The following FSTL5 variants were observed in gnomAD, a reference collection of about 807,000 sequenced individuals.
FSTL5 encodes the protein follistatin-related protein 5.
A neutral mutation model predicts 89.1 loss-of-function variants in FSTL5; 62 were observed. The observed-to-expected ratio is 0.70, with a 90% CI of 0.57 to 0.86. The LOEUF (loss-of-function observed/expected upper bound fraction) is 0.86, where lower values mean the gene tolerates loss of function less well. Among genes scored for constraint, FSTL5 ranks in the 40% least tolerant of loss-of-function variants. The pLI is 0.00. For missense variants in FSTL5, 1,057 were observed against 1,001.6 expected, an observed-to-expected ratio of 1.06 and a Z score of -0.75; for synonymous variants, 383 against 346.2, an observed-to-expected ratio of 1.11 and a Z score of -1.18.
intron 3 of FSTL5, among the ~76,000 whole-genome samples, chr4:161,977,639 A>AAAAATAAT (rs1553988132): frequency 7.9e-5 from 8 of 101,216 alleles, no homozygotes; most frequent in African/African-American, 1.2e-4. Context: ...AAAAAAAAAA[A>AAAAATAAT]AATAATAATA....
At chr4:162,014,309 T>C (rs545449007) in intron 3 of FSTL5, among the ~76,000 whole-genome samples, 1 of 152,232 alleles carries the variant, frequency 6.6e-6, no homozygotes, top group African/African-American at 2.4e-5. Flanking sequence ...ATGACTTTTA[T>C]ACTGCAAGGC....
At chr4:162,055,522 GGAT>G (rs922647003) in intron 2 of FSTL5, among the ~76,000 whole-genome samples, 13 of 111,284 alleles carry the variant, frequency 1.2e-4, no homozygotes, top group African/African-American at 4.4e-4. Context: ...GATAGATAGA[GGAT>G]GATAGATAGA....
intron 15 of FSTL5, among the ~76,000 whole-genome samples, chr4:161,426,974 C>T (rs993917480): frequency 6.6e-6 from 1 of 151,494 alleles, no homozygotes; most frequent in Non-Finnish European, 1.5e-5. Context: ...AATTGTTGAG[C>T]TTAAAATGTA....
intron 6 of FSTL5, among the ~76,000 whole-genome samples, chr4:161,737,907 C>A (rs1739874994): frequency 1.3e-5 from 2 of 152,050 alleles, no homozygotes; most frequent in South Asian, 2.1e-4. Flanking sequence ...TCAGTGTAAC[C>A]ATTCTTACTC....
At chr4:161,705,510 G>T (rs1738536687) in intron 6 of FSTL5, among the ~76,000 whole-genome samples, 1 of 151,954 alleles carries the variant, frequency 6.6e-6, no homozygotes, top group African/African-American at 2.4e-5. Flanking sequence ...AAATTGGAAG[G>T]GAGAATAAGC....
intron 7 of FSTL5, among the ~76,000 whole-genome samples, chr4:161,639,315 G>T (rs542331600): frequency 3.5e-4 from 53 of 152,188 alleles, no homozygotes; most frequent in African/African-American, 1.3e-3. Context: ...GTACTTGATG[G>T]GATTGGCAAG....
At chr4:161,447,329 G>A (rs772224509) in intron 15 of FSTL5, among the ~76,000 whole-genome samples, 5 of 151,972 alleles carry the variant, frequency 3.3e-5, no homozygotes, top group Non-Finnish European at 5.9e-5. Flanking sequence ...AAAATAACTT[G>A]TTCTTTAAAT....
At chr4:161,504,970 T>G (rs1483510531) in intron 11 of FSTL5, among the ~76,000 whole-genome samples, 1 of 152,036 alleles carries the variant, frequency 6.6e-6, no homozygotes, top group Non-Finnish European at 1.5e-5. Context: ...TCTGACTTAA[T>G]TGTCATTAGT....
rs1294856369 is a variant in FSTL5 at position 162,102,645 on chromosome 4, A to G, written c.126+8626T>C. Among the ~76,000 whole-genome samples, 4 of 145,850 alleles carry G rather than the reference A, an allele frequency of 2.7e-5. No individual in the cohort carries two copies. The Admixed American group carries it at 2.8e-4, about 10-fold the overall frequency. On this transcript the variant is annotated intron_variant, in intron 2 of 15. Coordinates refer to ENST00000306100, the MANE Select transcript of FSTL5 (RefSeq NM_020116.5). Reference sequence around the variant, plus strand: ...ATATTTATAACATATATAAATATGTATATTTATATATACATATATAAAAAT... The same window carrying G: ...ATATTTATAACATATATAAATATGTGTATTTATATATACATATATAAAAAT...
intron 3 of FSTL5, among the ~76,000 whole-genome samples, chr4:161,982,699 T>C (rs745452840): frequency 2.0e-5 from 3 of 152,206 alleles, no homozygotes; most frequent in Non-Finnish European, 4.4e-5. Flanking sequence ...TGTTCATGTA[T>C]ATGCACAGCA....
At chr4:162,047,391 C>T (rs1242967999) in intron 2 of FSTL5, 1 of 152,032 alleles carries the variant, frequency 6.6e-6, no homozygotes, top group Admixed American at 6.6e-5. Flanking sequence ...AAATCATGGT[C>T]TAGTTTTCCC....
chr4:161,455,831 G>T (rs1382192351), intron 14 of FSTL5, among the ~76,000 whole-genome samples: 1 of 151,918 alleles, frequency 6.6e-6, no homozygotes, highest in Non-Finnish European at 1.5e-5. Flanking sequence ...CATTGTTCTG[G>T]TAGCCTTCTA....
chr4:161,884,265 T>C (rs1363744109), intron 4 of FSTL5, among the ~76,000 whole-genome samples: 1 of 152,130 alleles, frequency 6.6e-6, no homozygotes, highest in Non-Finnish European at 1.5e-5. Context: ...CTCAAACTCC[T>C]GACCTCGTGA....
intron 1 of FSTL5, among the ~76,000 whole-genome samples, chr4:162,156,734 G>A (rs1396521970): frequency 6.6e-6 from 1 of 152,088 alleles, no homozygotes; most frequent in Non-Finnish European, 1.5e-5. Flanking sequence ...AAGCACTGGA[G>A]TCTACAAGAG....
intron 6 of FSTL5, among the ~76,000 whole-genome samples, chr4:161,758,523 T>C (rs1005292392): frequency 2.6e-5 from 4 of 152,160 alleles, no homozygotes; most frequent in Non-Finnish European, 4.4e-5. Context: ...TTTACTATTA[T>C]TATTAATATT....
chr4:162,087,246 AT>A (rs1208645796), intron 2 of FSTL5, among the ~76,000 whole-genome samples: 2 of 152,128 alleles, frequency 1.3e-5, no homozygotes, highest in African/African-American at 4.8e-5. Context: ...ACTGCAATTT[AT>A]TTGAGTGGGG....
At chr4:161,615,713 T>A (rs1036294286) in intron 7 of FSTL5, among the ~76,000 whole-genome samples, 1 of 152,156 alleles carries the variant, frequency 6.6e-6, no homozygotes, top group Admixed American at 6.6e-5. Flanking sequence ...TGATTGTGGG[T>A]GTTAAATGCT....
At chr4:161,415,708 C>G (rs1471981038) in intron 15 of FSTL5, among the ~76,000 whole-genome samples, 1 of 144,900 alleles carries the variant, frequency 6.9e-6, no homozygotes, top group Non-Finnish European at 1.5e-5. Context: ...AGAGAGAGAA[C>G]ATATATATAT....
At chr4:161,865,981 G>A (rs975742269) in intron 4 of FSTL5, among the ~76,000 whole-genome samples, 2 of 152,134 alleles carry the variant, frequency 1.3e-5, no homozygotes, top group African/African-American at 4.8e-5. Flanking sequence ...TTAGAAAAGA[G>A]GGGGCAGAAC....
Sources: gnomAD v4.1 joint callset for allele counts (sites outside exome capture counted in the v4.1 genomes callset) on GRCh38, gnomAD v4.1.1 for gene constraint, MANE v1.5 for transcripts, NCBI Gene and HGNC (gene_info 2026-07-23, HGNC 2026-07-21) for gene names.